The following SYT16 variants were observed in gnomAD, a reference collection of about 807,000 sequenced individuals.
The protein encoded by SYT16 is synaptotagmin 16, also known as synaptotagmin-16.
A neutral mutation model predicts 61.4 loss-of-function variants in SYT16; 42 were observed. That is an observed-to-expected ratio of 0.68 (90% CI 0.53 to 0.89). The LOEUF (loss-of-function observed/expected upper bound fraction) is 0.89, where lower values mean the gene tolerates loss of function less well. Ranked by LOEUF, SYT16 falls within the 40% of genes least tolerant of loss-of-function variation. The pLI is 0.00. For synonymous variants in SYT16, 314 were observed against 302.3 expected (o/e 1.04, Z -0.40); for missense variants, 804 against 807.3 (o/e 1.00, Z 0.05).
At chr14:61,879,401 T>C (rs2047612680) in intron 1 of SYT16, among the ~76,000 whole-genome samples, 1 of 152,156 alleles carries the variant, frequency 6.6e-6, no homozygotes, top group African/African-American at 2.4e-5. Context: ...TCTTGGAAAA[T>C]AGTAAGATCT....
intron 3 of SYT16, among the ~76,000 whole-genome samples, chr14:62,030,205 T>G (rs2054261014): frequency 6.6e-6 from 1 of 152,202 alleles, no homozygotes; most frequent in Non-Finnish European, 1.5e-5. Flanking sequence ...AAATGTATCT[T>G]TCTGCTCAGA....
At position 62,068,467 on chromosome 14, in the gene SYT16, C is replaced by T. The variant is rs78918818; in HGVS notation, c.524-1136C>T. ...TGTCAAAGTATACAAAGCGGATATG[C>T]AGGATGAACAAGTCTACAGATCTAA... is the stretch of plus-strand genomic sequence containing the variant. On this transcript the variant is annotated intron_variant, in intron 3 of 7. Coordinates refer to ENST00000683842, the MANE Select transcript of SYT16 (RefSeq NM_001367656.1). 1.2e-3 allele frequency among the ~76,000 whole-genome samples: 177 copies of T among 152,236 alleles called. 4 individuals are homozygous for T. In the East Asian group the frequency reaches 0.033, roughly 28 times the overall value.
At chr14:62,002,783 A>G (rs550194785) in intron 3 of SYT16, among the ~76,000 whole-genome samples, 7 of 152,238 alleles carry the variant, frequency 4.6e-5, no homozygotes, top group African/African-American at 1.4e-4. Flanking sequence ...TCATGATGCT[A>G]TCAAGAGCTG....
At chr14:62,085,836 T>C (rs2056867073) in intron 7 of SYT16, among the ~76,000 whole-genome samples, 1 of 152,214 alleles carries the variant, frequency 6.6e-6, no homozygotes, top group Non-Finnish European at 1.5e-5. Context: ...ATAGCTAGAC[T>C]CTTTTTGCTA....
In SYT16 at chr14:62,050,007, G is replaced by T. The variant is rs1460551688; in HGVS notation, c.524-19596G>T. Among the ~76,000 whole-genome samples, 5 of 152,266 alleles carry T rather than the reference G, an allele frequency of 3.3e-5. No individual in the cohort carries two copies. In the East Asian group the frequency reaches 9.6e-4, roughly 29 times the overall value. On this transcript the variant is annotated intron_variant, in intron 3 of 7. Coordinates refer to ENST00000683842, the MANE Select transcript of SYT16 (RefSeq NM_001367656.1). ...GGCATTCTCTGTATTTCCTGAATTTGAATGTTGGCCTGCCTTGCTAGATTT... is the reference window on the plus strand; with the variant it reads ...GGCATTCTCTGTATTTCCTGAATTTTAATGTTGGCCTGCCTTGCTAGATTT...
chr14:62,017,348 A>G (rs2053729661), intron 3 of SYT16, among the ~76,000 whole-genome samples: 1 of 152,164 alleles, frequency 6.6e-6, no homozygotes, highest in Admixed American at 6.5e-5. Flanking sequence ...TCTTCCTGAT[A>G]TCATCACATC....
chr14:61,829,332 A>AT (rs1481800330), intron 1 of SYT16, among the ~76,000 whole-genome samples: 2 of 152,062 alleles, frequency 1.3e-5, no homozygotes, highest in South Asian at 4.1e-4. Context: ...TGCTTTCAAG[A>AT]TTTTTTTATT....
At chr14:61,899,511 T>G (rs1229047576) in intron 1 of SYT16, among the ~76,000 whole-genome samples, 3 of 152,234 alleles carry the variant, frequency 2.0e-5, no homozygotes, top group Non-Finnish European at 4.4e-5. Flanking sequence ...GTACTCAGTA[T>G]GGGCTGGCTG....
intron 1 of SYT16, among the ~76,000 whole-genome samples, chr14:61,939,764 T>C (rs887176055): frequency 1.3e-5 from 2 of 152,086 alleles, no homozygotes; most frequent in Non-Finnish European, 2.9e-5. Context: ...TCCATCACAG[T>C]GTCTAAGGGG....
chr14:62,056,602 C>A (rs2055568017), intron 3 of SYT16, among the ~76,000 whole-genome samples: 1 of 152,152 alleles, frequency 6.6e-6, no homozygotes, highest in Non-Finnish European at 1.5e-5. Flanking sequence ...TGCAGAAACG[C>A]ACGTAGATGT....
In SYT16 at chr14:62,079,340, G is replaced by C. The variant is rs1024506385; in HGVS notation, c.994-1494G>C. 3 of 1,191,752 alleles carry C rather than the reference G, an allele frequency of 2.5e-6. No individual in the cohort carries two copies. The African/African-American group carries it at 4.8e-5, about 19-fold the overall frequency. The allele number at this position is 1,191,752 out of a possible 1,614,324, so 73.8% of individuals were successfully genotyped here. A position where few individuals can be genotyped will look rare whatever the true frequency, so the allele number is the denominator to read the frequency against. The stretch of plus-strand genomic sequence containing the variant: ...ACAAGAAATCTAAATTTTCTTGCAG[G>C]CTAATTTGAATCTTAAAAGAAAAGG... On this transcript the variant is annotated intron_variant, in intron 5 of 7. Transcript: ENST00000683842.
chr14:62,079,089 GGAGTTTTA>G (rs936135067), intron 5 of SYT16, among the ~76,000 whole-genome samples: 4 of 152,166 alleles, frequency 2.6e-5, no homozygotes, highest in Admixed American at 2.6e-4. Context: ...AAAATAGATG[GGAGTTTTA>G]GGAAGAGACA....
chr14:61,889,073 G>T (rs1290114772), intron 1 of SYT16, among the ~76,000 whole-genome samples: 1 of 152,170 alleles, frequency 6.6e-6, no homozygotes, highest in East Asian at 1.9e-4. Context: ...AGTTGGTAAG[G>T]CAGACTTTAT....
chr14:61,933,890 T>C (rs918351764), intron 1 of SYT16, among the ~76,000 whole-genome samples: 1 of 152,176 alleles, frequency 6.6e-6, no homozygotes, highest in African/African-American at 2.4e-5. Context: ...GTCTCCAAAT[T>C]AGCATTTTAA....
intron 1 of SYT16, among the ~76,000 whole-genome samples, chr14:61,863,514 T>G (rs1171310093): frequency 1.3e-5 from 2 of 152,252 alleles, no homozygotes; most frequent in Non-Finnish European, 2.9e-5. Context: ...TGGATAACAG[T>G]TCTTTATCAG....
At chr14:61,995,658 T>A (rs1393101838) in intron 2 of SYT16, among the ~76,000 whole-genome samples, 1 of 152,162 alleles carries the variant, frequency 6.6e-6, no homozygotes, top group Non-Finnish European at 1.5e-5. Context: ...CAGAACCCAT[T>A]ACTGCTAATG....
At chr14:61,974,972 G>T (rs1367070438) in intron 2 of SYT16, among the ~76,000 whole-genome samples, 1 of 152,228 alleles carries the variant, frequency 6.6e-6, no homozygotes, top group African/African-American at 2.4e-5. Flanking sequence ...TTCAGCAGGG[G>T]CTTCTGACCT....
At chr14:62,025,890 A>C (rs540978718) in intron 3 of SYT16, among the ~76,000 whole-genome samples, 9 of 151,676 alleles carry the variant, frequency 5.9e-5, no homozygotes, top group African/African-American at 1.7e-4. Flanking sequence ...TAAAAAAAAA[A>C]CAATAAAATA....
chr14:61,993,269 G>T (rs962938136), intron 2 of SYT16, among the ~76,000 whole-genome samples: 4 of 151,936 alleles, frequency 2.6e-5, no homozygotes, highest in East Asian at 1.9e-4. Flanking sequence ...GTGGGGGTGT[G>T]GGGGGCAAGG....
Sources: gnomAD v4.1 joint callset for allele counts (sites outside exome capture counted in the v4.1 genomes callset) on GRCh38, gnomAD v4.1.1 for gene constraint, MANE v1.5 for transcripts, NCBI Gene and HGNC (gene_info 2026-07-23, HGNC 2026-07-21) for gene names.